The following TP53BP1 variants were observed in gnomAD, a reference collection of about 807,000 sequenced individuals.
TP53BP1 encodes TP53-binding protein 1.
TP53BP1 carries 61 observed loss-of-function variants against 200.8 expected under a neutral mutation model. That is an observed-to-expected ratio of 0.30 (90% CI 0.25 to 0.38). The LOEUF is 0.38. TP53BP1 is among the 10% of genes least tolerant of loss of function. The pLI, the probability that TP53BP1 is intolerant of heterozygous loss-of-function variation, is 1.00. For synonymous variants in TP53BP1, 822 were observed against 844.3 expected (o/e 0.97, Z 0.46); for missense variants, 2,144 against 2,371.9 (o/e 0.90, Z 2.00).
intron 8 of TP53BP1, 51 bp downstream of exon 8, chr15:43,477,541 TA>T (rs2078901926): frequency 6.7e-7 from 1 of 1,501,530 alleles, no homozygotes; most frequent in African/African-American, 1.4e-5. Context: ...AGAACTAAAG[TA>T]AAAGTTTAGA....
At chr15:43,460,776 A>G (rs934508307) in intron 11 of TP53BP1, among the ~76,000 whole-genome samples, 3 of 151,882 alleles carry the variant, frequency 2.0e-5, no homozygotes, top group African/African-American at 7.3e-5. Context: ...TAATCCCAAC[A>G]CTTTGGAAGG....
upstream of TP53BP1, chr15:43,497,305 G>A: frequency 2.2e-6 from 1 of 457,684 alleles, no homozygotes; most frequent in Non-Finnish European, 2.9e-6. Flanking sequence ...ACTTGAACCT[G>A]GGAGGCAGAG....
chr15:43,446,472 G>T lies in TP53BP1; in HGVS notation c.2955C>A (p.Asp985Glu), dbSNP rs142170985. The T allele has an allele frequency of 6.6e-5, 106 of 1,614,042 alleles. No homozygotes were observed. In the African/African-American group the frequency reaches 1.3e-3, roughly 19 times the overall value. The change falls in exon 14 of 28, where the codon GAC (aspartate) becomes GAA (glutamate). Residue 985 changes from aspartate (D) to glutamate (E), a missense_variant. This residue lies in a region of TP53BP1 where 1,700 missense variants were observed against 1,710.3 expected (regional missense o/e 0.99). Transcript: ENST00000382044. ...SGKGDSGAAP[D>E]VDDKLCLRMK... ...TTCTTAGACATAATTTATCATCCAC[G>T]TCTGGGGCAGCCCCAGAATCCCCTT...
intron 16 of TP53BP1, among the ~76,000 whole-genome samples, chr15:43,436,054 C>T (rs1386956281): frequency 6.6e-6 from 1 of 151,794 alleles, no homozygotes; most frequent in East Asian, 1.9e-4. Flanking sequence ...TACAGTGGCA[C>T]AATCTCGGCT....
chr15:43,508,243 C>G (rs780116701), intron 1 of TP53BP1, among the ~76,000 whole-genome samples: 1 of 152,080 alleles, frequency 6.6e-6, no homozygotes, highest in Non-Finnish European at 1.5e-5. Flanking sequence ...GCCTGTAGTC[C>G]CAGCTACTCA....
intron 18 of TP53BP1, among the ~76,000 whole-genome samples, chr15:43,426,022 G>A (rs567052187): frequency 2.8e-5 from 4 of 142,390 alleles, no homozygotes; most frequent in Admixed American, 7.0e-5. Flanking sequence ...CCGAGGTAGC[G>A]CCACTGCACC....
chr15:43,474,880 T>C, intron 9 of TP53BP1, 113 bp from the exon 10 acceptor site: 1 of 658,348 alleles, frequency 1.5e-6, no homozygotes, highest in Non-Finnish European at 2.5e-6. Flanking sequence ...AGATAAATAC[T>C]TATCAGCACT....
intron 8 of TP53BP1, among the ~76,000 whole-genome samples, chr15:43,476,451 T>C (rs546865743): frequency 2.2e-4 from 34 of 152,262 alleles, no homozygotes; most frequent in South Asian, 2.1e-4. Flanking sequence ...ACATGACACT[T>C]GATGTTATAA....
At chr15:43,474,873 T>C (rs565015284) in intron 9 of TP53BP1, 106 bp from the exon 10 acceptor site, 2 of 731,078 alleles carry the variant, frequency 2.7e-6, no homozygotes, top group Non-Finnish European at 4.5e-6. Context: ...GGCATTCAGA[T>C]AAATACTTAT....
chr15:43,488,330 C>T (rs1178896604), intron 4 of TP53BP1, among the ~76,000 whole-genome samples: 1 of 150,668 alleles, frequency 6.6e-6, no homozygotes, highest in Admixed American at 6.6e-5. Context: ...CTAAAGGTTA[C>T]AGACTGTATG....
chr15:43,403,647 C>T lies in TP53BP1; in HGVS notation c.*3736G>A. 6.8e-7 allele frequency: 1 copy of T among 1,471,354 alleles called. No homozygotes were observed. The highest frequency in any genetic ancestry group is 1.4e-5 in the African/African-American group (1 of 72,206). 91.1% of individuals were successfully genotyped at this position (1,471,354 alleles called of 1,614,324 possible). ...ACTTTAACTTCATGGATGTACCTTCCTTCCTTTCCTAATGCCAACTCTGTT... is the reference window on the plus strand; with the variant it reads ...ACTTTAACTTCATGGATGTACCTTCTTTCCTTTCCTAATGCCAACTCTGTT... On this transcript the variant is annotated 3_prime_UTR_variant, in exon 28 of 28. Transcript: ENST00000382044.
intron 23 of TP53BP1, chr15:43,413,898 A>C (rs957859648): frequency 6.1e-6 from 2 of 325,786 alleles, no homozygotes; most frequent in South Asian, 2.7e-5. Flanking sequence ...ACTTGGTAAT[A>C]AAGTGTTTTT....
chr15:43,453,832 A>G (rs2046229660), intron 12 of TP53BP1, among the ~76,000 whole-genome samples: 1 of 150,676 alleles, frequency 6.6e-6, no homozygotes, highest in Middle Eastern at 3.4e-3. Context: ...GGCGTGAGCC[A>G]CCGCACCCGG....
chr15:43,418,047 G>T (rs1269829280), intron 21 of TP53BP1, among the ~76,000 whole-genome samples: 1 of 152,038 alleles, frequency 6.6e-6, no homozygotes, highest in Non-Finnish European at 1.5e-5. Context: ...AGGTGTTGTG[G>T]CATGCACCTG....
chr15:43,438,208 G>T (rs1452297391), intron 16 of TP53BP1, 116 bp downstream of exon 16: 1 of 808,828 alleles, frequency 1.2e-6, no homozygotes, highest in Non-Finnish European at 2.0e-6. Flanking sequence ...TGCACTGGGG[G>T]TTAAGTTTCC....
intron 21 of TP53BP1, among the ~76,000 whole-genome samples, chr15:43,419,820 CTG>C (rs1412607938): frequency 6.6e-6 from 1 of 152,128 alleles, no homozygotes; most frequent in African/African-American, 2.4e-5. Flanking sequence ...AAACAAAAGA[CTG>C]AGAAATTGCC....
At chr15:43,483,271 C>CAG (rs2079000110) in intron 4 of TP53BP1, among the ~76,000 whole-genome samples, 1 of 150,460 alleles carries the variant, frequency 6.6e-6, no homozygotes, top group East Asian at 1.9e-4. Flanking sequence ...CACACACACA[C>CAG]AGAACAAATG....
intron 4 of TP53BP1, among the ~76,000 whole-genome samples, chr15:43,488,574 G>T (rs1269513584): frequency 2.0e-5 from 3 of 152,080 alleles, no homozygotes. Flanking sequence ...CACATAAAAA[G>T]AAGTAAAACA....
rs1196479724 is a variant in TP53BP1 at position 43,456,990 on chromosome 15, T to C, written c.1618A>G (p.Arg540Gly). The change falls in exon 12 of 28, where the codon AGA becomes GGA. Residue 540 changes from arginine to glycine, a missense_variant. By Grantham distance (125) the Arg-to-Gly change is moderately radical. Around this residue, in one of 4 missense-constraint regions of TP53BP1, gnomAD observed 1,700 missense variants for 1,710.3 expected, o/e 0.99. Transcript: ENST00000382044. ...GTGTTTTCTCCATCTTCATCAATTC[T>C]GTGAGAACTCAAGCTCTCCATCTTT... ...SPKMESLSSHRIDEDGENTQI... is the reference protein window; with the variant it reads ...SPKMESLSSHGIDEDGENTQI... 2 of 1,614,242 alleles carry C rather than the reference T, an allele frequency of 1.2e-6. No homozygotes were observed. The highest frequency in any genetic ancestry group is 3.3e-5 in the Admixed American group (2 of 60,026).
Sources: allele counts gnomAD v4.1 joint callset (sites outside exome capture counted in the v4.1 genomes callset), GRCh38; gene constraint gnomAD v4.1.1; regional missense constraint gnomAD v4.1.1; transcripts MANE v1.5; gene names NCBI Gene and HGNC (gene_info 2026-07-23, HGNC 2026-07-21).